The following SUMF1 variants were observed in gnomAD, a reference collection of about 807,000 sequenced individuals.
SUMF1 encodes the protein sulfatase modifying factor 1.
A neutral mutation model predicts 47.6 loss-of-function variants in SUMF1; 48 were observed. The ratio of observed to expected loss-of-function variants is 1.01; its 90% CI spans 0.80 to 1.28. SUMF1 has a LOEUF of 1.28. Ranked by LOEUF, SUMF1 falls within the 50% of genes most tolerant of loss-of-function variation. The pLI is 0.00. For missense variants in SUMF1, 571 were observed against 485.4 expected (o/e 1.18, Z -1.66); for synonymous variants, 230 against 192.1 (o/e 1.20, Z -1.63).
At chr3:4,250,001 T>C (rs576265196) in intron 8 of SUMF1, among the ~76,000 whole-genome samples, 45 of 152,082 alleles carry the variant, frequency 3.0e-4, no homozygotes, top group Non-Finnish European at 5.3e-4. Flanking sequence ...CTGGCCAACA[T>C]AGTAAAATGC....
intron 2 of SUMF1, among the ~76,000 whole-genome samples, chr3:4,451,752 C>T (rs1290965871): frequency 3.3e-5 from 5 of 152,172 alleles, no homozygotes; most frequent in African/African-American, 9.7e-5. Flanking sequence ...GGCCGGATCT[C>T]GGCTCACTGC....
At chr3:4,041,927 G>A (rs571054900) in intron 9 of SUMF1, among the ~76,000 whole-genome samples, 1 of 152,112 alleles carries the variant, frequency 6.6e-6, no homozygotes, top group African/African-American at 2.4e-5. Context: ...CACATGAAAG[G>A]TACTGTCTCA....
rs1468634822 is a variant in SUMF1 at position 4,381,474 on chromosome 3, T to C, written c.955-5085A>G. On this transcript the variant is annotated intron_variant, in intron 7 of 8. Transcript: ENST00000272902. ...TAACCAAACACCACCTGTTCCCCAA[T>C]AACCAACGGAAATTAAAAAAATTAA... Among the ~76,000 whole-genome samples the C allele has an allele frequency of 2.0e-5, 3 of 152,080 alleles. No homozygotes were observed. In the East Asian group the frequency reaches 5.8e-4, roughly 29 times the overall value.
intron 7 of SUMF1, among the ~76,000 whole-genome samples, chr3:4,403,985 G>A (rs945025299): frequency 3.9e-5 from 6 of 152,152 alleles, no homozygotes; most frequent in African/African-American, 1.4e-4. Flanking sequence ...TCCTGAAGTG[G>A]AAACAAACGG....
At chr3:4,374,590 G>GGTCCTCA (rs1192084782) in intron 8 of SUMF1, among the ~76,000 whole-genome samples, 2 of 152,060 alleles carry the variant, frequency 1.3e-5, no homozygotes, top group African/African-American at 4.8e-5. Flanking sequence ...AAAATCTTCT[G>GGTCCTCA]GTCCTCAATT....
At chr3:4,091,502 A>G (rs1182293283) in intron 8 of SUMF1, among the ~76,000 whole-genome samples, 1 of 152,150 alleles carries the variant, frequency 6.6e-6, no homozygotes, top group African/African-American at 2.4e-5. Flanking sequence ...GTCTTCCTTC[A>G]GAAGACTTCT....
chr3:4,142,461 GATATC>G (rs546370403), intron 8 of SUMF1, among the ~76,000 whole-genome samples: 306 of 152,144 alleles, frequency 2.0e-3, no homozygotes, highest in Middle Eastern at 6.8e-3. Flanking sequence ...TCTAATAGGG[GATATC>G]ATATATTTTG....
chr3:4,218,565 G>A (rs544716866), intron 8 of SUMF1, among the ~76,000 whole-genome samples: 2 of 152,230 alleles, frequency 1.3e-5, no homozygotes, highest in African/African-American at 4.8e-5. Context: ...GCCACCTAAG[G>A]TCGCACTAAA....
intron 8 of SUMF1, among the ~76,000 whole-genome samples, chr3:4,241,814 C>G (rs946087093): frequency 6.6e-6 from 1 of 152,088 alleles, no homozygotes; most frequent in Non-Finnish European, 1.5e-5. Flanking sequence ...TTCCGGCCCA[C>G]AGTGGAGTTC....
At chr3:4,060,623 G>A (rs1377495154) in intron 9 of SUMF1, among the ~76,000 whole-genome samples, 2 of 152,132 alleles carry the variant, frequency 1.3e-5, no homozygotes, top group African/African-American at 4.8e-5. Context: ...TTAACACTAT[G>A]TGGAATAAAG....
Position 4,211,121 on chromosome 3 carries a change from T to C in SUMF1, c.1015-142376A>G, listed in dbSNP as rs796291217. ...AAACTCCCATATATATATATATATA[T>C]ACACACACACACACATATATACATA... On this transcript the variant is annotated intron_variant and NMD_transcript_variant, in intron 8 of 12. Coordinates refer to the SUMF1 transcript ENST00000448413. Among the ~76,000 whole-genome samples the C allele has an allele frequency of 4.9e-4, 63 of 128,302 alleles. 1 individual carries two copies. The highest frequency in any genetic ancestry group is 1.6e-3 in the South Asian group (6 of 3,866). 84.2% of individuals were successfully genotyped at this position (128,302 alleles called of 152,430 possible).
At chr3:4,286,017 C>T (rs1697626144) in intron 8 of SUMF1, among the ~76,000 whole-genome samples, 1 of 152,144 alleles carries the variant, frequency 6.6e-6, no homozygotes, top group Admixed American at 6.5e-5. Context: ...CTGTTTGGCC[C>T]AGAGCAAAGT....
chr3:4,306,425 G>T (rs1044466607), intron 8 of SUMF1, among the ~76,000 whole-genome samples: 1 of 152,132 alleles, frequency 6.6e-6, no homozygotes, highest in Non-Finnish European at 1.5e-5. Flanking sequence ...AGTGACAAGA[G>T]GAAGCTTTGT....
At chr3:4,132,190 C>T (rs1693807740) in intron 8 of SUMF1, among the ~76,000 whole-genome samples, 2 of 152,174 alleles carry the variant, frequency 1.3e-5, no homozygotes, top group Admixed American at 1.3e-4. Context: ...TCTGTCAAAA[C>T]TACCATCCAT....
chr3:4,046,111 C>G (rs1035734455), intron 9 of SUMF1, among the ~76,000 whole-genome samples: 1 of 152,098 alleles, frequency 6.6e-6, no homozygotes, highest in Non-Finnish European at 1.5e-5. Context: ...AATAAGTTAA[C>G]TGAACTCAGG....
intron 8 of SUMF1, among the ~76,000 whole-genome samples, chr3:4,155,138 C>T (rs1293410109): frequency 6.6e-6 from 1 of 151,490 alleles, no homozygotes; most frequent in African/African-American, 2.5e-5. Flanking sequence ...TTCTATAGCT[C>T]CTGACATGAG....
intron 8 of SUMF1, among the ~76,000 whole-genome samples, chr3:4,165,287 G>C (rs1484153680): frequency 6.6e-6 from 1 of 152,166 alleles, no homozygotes; most frequent in African/African-American, 2.4e-5. Flanking sequence ...GGTCTACCTT[G>C]ATCTGCTTTA....
chr3:4,182,881 GA>G (rs1352795272), intron 8 of SUMF1, among the ~76,000 whole-genome samples: 7 of 152,222 alleles, frequency 4.6e-5, no homozygotes, highest in East Asian at 3.9e-4. Flanking sequence ...TACCTATGGG[GA>G]AAGAGGGTAA....
At chr3:4,178,492 C>G (rs547278150) in intron 8 of SUMF1, among the ~76,000 whole-genome samples, 26 of 152,188 alleles carry the variant, frequency 1.7e-4, no homozygotes, top group African/African-American at 6.3e-4. Flanking sequence ...ATTCAACAGC[C>G]CTTCATGCTA....
Sources: allele counts gnomAD v4.1 joint callset (sites outside exome capture counted in the v4.1 genomes callset), GRCh38; gene constraint gnomAD v4.1.1; transcripts MANE v1.5; gene names NCBI Gene and HGNC (gene_info 2026-07-23, HGNC 2026-07-21).